The following CNGB3 variants were observed in gnomAD, a reference collection of about 807,000 sequenced individuals.
The protein encoded by CNGB3 is cyclic nucleotide-gated channel beta-3.
CNGB3 carries 86 observed loss-of-function variants against 92.8 expected under a neutral mutation model. That is an observed-to-expected ratio of 0.93 (90% CI 0.78 to 1.11). The LOEUF is 1.11. Among genes scored for constraint, CNGB3 ranks in the 50% least tolerant of loss-of-function variants. The pLI is 0.00. For missense variants in CNGB3, 1,026 were observed against 956.8 expected, an observed-to-expected ratio of 1.07 and a Z score of -0.95; for synonymous variants, 333 against 332.7, an observed-to-expected ratio of 1.00 and a Z score of -0.01.
chr8:86,589,610 C>G (rs1298187153), intron 15 of CNGB3, among the ~76,000 whole-genome samples: 1 of 152,142 alleles, frequency 6.6e-6, no homozygotes, highest in Non-Finnish European at 1.5e-5. Context: ...AGTAGTCATT[C>G]AGGAGCAGGT....
chr8:86,580,767 A>G (rs1248536703), intron 15 of CNGB3, among the ~76,000 whole-genome samples: 1 of 152,246 alleles, frequency 6.6e-6, no homozygotes, highest in Non-Finnish European at 1.5e-5. Context: ...AAGAAAAACC[A>G]CATTTCAAAT....
At chr8:86,583,296 C>T (rs1029114856) in intron 15 of CNGB3, among the ~76,000 whole-genome samples, 7 of 152,116 alleles carry the variant, frequency 4.6e-5, no homozygotes, top group African/African-American at 1.7e-4. Flanking sequence ...AAATGAAAGA[C>T]AGCAATGTCA....
Position 86,640,562 on chromosome 8 carries a change from T to A in CNGB3, c.1178+3189A>T, listed in dbSNP as rs552244028. Reference sequence around the variant, plus strand: ...TCCGTTTTTGTTCTCTGTTTCTGCTTTCTTCAGCCCTTTTCTGCCTATGAA... The same window carrying A: ...TCCGTTTTTGTTCTCTGTTTCTGCTATCTTCAGCCCTTTTCTGCCTATGAA... On this transcript the variant is annotated intron_variant, in intron 10 of 17. Transcript: ENST00000320005. Among the ~76,000 whole-genome samples the A allele has an allele frequency of 3.9e-5, 6 of 152,178 alleles. No individual in the cohort carries two copies. The East Asian group carries it at 9.7e-4, about 25-fold the overall frequency.
At chr8:86,696,572 C>T (rs569352222) in intron 3 of CNGB3, among the ~76,000 whole-genome samples, 71 of 152,180 alleles carry the variant, frequency 4.7e-4, no homozygotes, top group Non-Finnish European at 9.1e-4. Context: ...ACTGTTCTAT[C>T]CATCCAGTGG....
In CNGB3 at chr8:86,632,852, GTAAT is replaced by G. The variant is rs1585981514; in HGVS notation, c.1216_1219del (p.Ile406ProfsTer19). On this transcript the variant is annotated frameshift_variant, in exon 11 of 18. Coordinates refer to ENST00000320005, the MANE Select transcript of CNGB3 (RefSeq NM_019098.5). LOFTEE classifies it high-confidence loss of function. Reference sequence around the variant, plus strand: ...TTGTGGTTCTGGAAGGCCACCAATGGTAATTAAAGTTCGAACTGCCCAATAATAA... The same window carrying G: ...TTGTGGTTCTGGAAGGCCACCAATGGTAAAGTTCGAACTGCCCAATAATAA... 12 of 1,612,696 alleles carry G rather than the reference GTAAT, an allele frequency of 7.4e-6. No individual in the cohort carries two copies. Among genetic ancestry groups the G allele is most frequent in the Non-Finnish European group, 1.0e-5 (12 of 1,179,762 alleles).
chr8:86,659,717 C>T, intron 6 of CNGB3: 1 of 378,602 alleles, frequency 2.6e-6, no homozygotes, highest in Non-Finnish European at 5.2e-6. Flanking sequence ...CATAACTCTG[C>T]CTTCTCGGAC....
Position 86,629,039 on chromosome 8 carries a change from A to T in CNGB3, c.1360T>A (p.Tyr454Asn). 6.2e-7 allele frequency: 1 copy of T among 1,614,054 alleles called. No homozygotes were observed. The highest frequency in any genetic ancestry group is 8.5e-7 in the Non-Finnish European group (1 of 1,179,946). ...GTGTCATCCATGCAGGCGCGGAAGT[A>T]GTTCTGATTGGCTGTAGCTGCTCCA... ...VIGAATANQN[Y>N]FRACMDDTIA... The change falls in exon 12 of 18, where the codon TAC becomes AAC. Residue 454 changes from tyrosine to asparagine, a missense_variant. Coordinates refer to ENST00000320005, the MANE Select transcript of CNGB3 (RefSeq NM_019098.5).
At chr8:86,593,676 A>G in intron 15 of CNGB3, 1 of 630,082 alleles carries the variant, frequency 1.6e-6, no homozygotes, top group Non-Finnish European at 2.8e-6. Context: ...CTGTCTGCCC[A>G]CAGCCAGACC....
intron 14 of CNGB3, 132 bp from the exon 15 acceptor site, chr8:86,604,343 A>C (rs1822373643): frequency 1.6e-6 from 1 of 635,406 alleles, no homozygotes. Flanking sequence ...TGTAAAATTA[A>C]TTATCTTAAG....
intron 15 of CNGB3, among the ~76,000 whole-genome samples, chr8:86,602,584 G>A (rs1385862796): frequency 1.3e-5 from 2 of 152,134 alleles, no homozygotes; most frequent in African/African-American, 2.4e-5. Context: ...GAAAGATATA[G>A]TACTTGGCAT....
Position 86,670,829 on chromosome 8 carries a change from T to C in CNGB3, c.493+115A>G, listed in dbSNP as rs1019732330. The C allele has an allele frequency of 8.1e-6, 9 of 1,109,544 alleles. No individual in the cohort carries two copies. The African/African-American group carries it at 9.2e-5, about 11-fold the overall frequency. 68.7% of individuals were successfully genotyped at this position (1,109,544 alleles called of 1,614,324 possible). A position where few individuals can be genotyped will look rare whatever the true frequency, so the allele number is the denominator to read the frequency against. ...CCTGGATTACTCTCAAAATAAACTG[T>C]ACGTAAATCATTTTCTCAGGGTCTG... On this transcript the variant is annotated intron_variant, in intron 4 of 17. Transcript: ENST00000320005.
intron 6 of CNGB3, among the ~76,000 whole-genome samples, chr8:86,662,971 G>A (rs1823673387): frequency 6.6e-6 from 1 of 152,134 alleles, no homozygotes; most frequent in South Asian, 2.1e-4. Context: ...GGTAAGTTTA[G>A]TTTCTTCAAG....
chr8:86,685,667 A>G (rs182432650), intron 3 of CNGB3, among the ~76,000 whole-genome samples: 35 of 152,266 alleles, frequency 2.3e-4, no homozygotes, highest in Admixed American at 1.6e-3. Context: ...TATCTTACTG[A>G]AAAGTCATAT....
At chr8:86,741,294 G>T (rs1276598615) in intron 1 of CNGB3, among the ~76,000 whole-genome samples, 1 of 152,118 alleles carries the variant, frequency 6.6e-6, no homozygotes, top group Non-Finnish European at 1.5e-5. Flanking sequence ...TTTGAAATTG[G>T]AGATAAACTA....
chr8:86,585,191 T>C (rs1213180366), intron 15 of CNGB3, among the ~76,000 whole-genome samples: 1 of 152,142 alleles, frequency 6.6e-6, no homozygotes, highest in African/African-American at 2.4e-5. Flanking sequence ...AGATAACTTG[T>C]ATATGCAAAA....
chr8:86,612,426 T>G (rs1822540036), intron 13 of CNGB3, among the ~76,000 whole-genome samples: 1 of 152,246 alleles, frequency 6.6e-6, no homozygotes, highest in South Asian at 2.1e-4. Context: ...CTCTCAGAGC[T>G]GCTAACATGT....
chr8:86,704,927 T>C (rs1355815915), intron 3 of CNGB3, among the ~76,000 whole-genome samples: 1 of 152,198 alleles, frequency 6.6e-6, no homozygotes, highest in Non-Finnish European at 1.5e-5. Context: ...GACAGAATGC[T>C]AGTAGGTCTC....
chr8:86,665,137 A>G (rs542974978), intron 6 of CNGB3, among the ~76,000 whole-genome samples: 1 of 152,210 alleles, frequency 6.6e-6, no homozygotes, highest in African/African-American at 2.4e-5. Flanking sequence ...GGTCATGACC[A>G]TATAATAGCC....
chr8:86,666,442 C>T (rs1425102976), intron 6 of CNGB3, among the ~76,000 whole-genome samples: 1 of 152,172 alleles, frequency 6.6e-6, no homozygotes. Flanking sequence ...AGCTACTATC[C>T]AGCTTTGGGC....
Sources: allele counts gnomAD v4.1 joint callset (sites outside exome capture counted in the v4.1 genomes callset), GRCh38; gene constraint gnomAD v4.1.1; transcripts MANE v1.5; gene names NCBI Gene and HGNC (gene_info 2026-07-23, HGNC 2026-07-21).